CSMD2: variants seen among roughly 807,000 people sequenced by gnomAD.
The protein encoded by CSMD2 is CUB and sushi domain-containing protein 2.
Under a neutral mutation model 398.5 loss-of-function variants are expected in CSMD2, and 130 were observed. The ratio of observed to expected loss-of-function variants is 0.33; its 90% CI spans 0.28 to 0.38. The LOEUF (loss-of-function observed/expected upper bound fraction) is 0.38. Among genes scored for constraint, CSMD2 ranks in the 10% least tolerant of loss-of-function variants. The pLI is 1.00. For synonymous variants in CSMD2, 1,828 were observed against 1,908.5 expected, an observed-to-expected ratio of 0.96 and a Z score of 1.10; for missense variants, 3,829 against 4,764.9, an observed-to-expected ratio of 0.80 and a Z score of 5.78.
chr1:33,943,301 T>C (rs1432036635), intron 3 of CSMD2, among the ~76,000 whole-genome samples: 1 of 152,210 alleles, frequency 6.6e-6, no homozygotes, highest in Admixed American at 6.5e-5. Context: ...TTTTTCTGCC[T>C]TCTCTCATCT....
intron 1 of CSMD2, among the ~76,000 whole-genome samples, chr1:34,102,042 T>G (rs1027813009): frequency 1.3e-5 from 2 of 152,098 alleles, no homozygotes; most frequent in Non-Finnish European, 2.9e-5. Context: ...TTCACTTTTT[T>G]TTTTTTGAGA....
intron 3 of CSMD2, among the ~76,000 whole-genome samples, chr1:33,985,631 C>A (rs959109632): frequency 3.3e-5 from 5 of 152,150 alleles, no homozygotes; most frequent in African/African-American, 1.2e-4. Context: ...CCTCTCTTGG[C>A]TTTGGATAAA....
rs1467685535 is a variant in CSMD2, at chr1:34,057,562, C to T, written c.405-24856G>A. 2.0e-5 allele frequency among the ~76,000 whole-genome samples: 3 copies of T among 152,256 alleles called. No individual in the cohort carries two copies. The East Asian group carries it at 5.8e-4, about 30-fold the overall frequency. On this transcript the variant is annotated intron_variant, in intron 2 of 70. Transcript: ENST00000373381. ...CCCGGCAGGCAGCTCAAAGGCTGAG[C>T]CAGAGAGAGGTGGGCAGAGAGGGTC...
intron 10 of CSMD2, among the ~76,000 whole-genome samples, chr1:33,803,056 A>G (rs1288069159): frequency 1.3e-5 from 2 of 152,166 alleles, no homozygotes; most frequent in Non-Finnish European, 2.9e-5. Context: ...GGCCAAAGCC[A>G]ATGGTCTCCT....
chr1:33,699,209 T>C (rs939696629), intron 23 of CSMD2, among the ~76,000 whole-genome samples: 2 of 152,258 alleles, frequency 1.3e-5, no homozygotes, highest in Non-Finnish European at 2.9e-5. Flanking sequence ...TTTCTTTTGT[T>C]TGACCCCGTA....
chr1:34,008,080 G>A (rs1647115818), intron 3 of CSMD2, among the ~76,000 whole-genome samples: 1 of 152,160 alleles, frequency 6.6e-6, no homozygotes, highest in South Asian at 2.1e-4. Flanking sequence ...AACCAAATCA[G>A]AATTCTGAAA....
At chr1:33,934,833 GA>G (rs10552121) in intron 4 of CSMD2, among the ~76,000 whole-genome samples, 40,285 of 109,460 alleles carry the variant, frequency 0.37, 6,922 homozygotes, top group Middle Eastern at 0.5. Flanking sequence ...CTGTCTCCAT[GA>G]AAAAAAAAAA....
chr1:33,930,512 T>C lies in CSMD2; in HGVS notation c.712+5248A>G, dbSNP rs577180791. ...CCCCAGGTATGGTGACAGCCTGCCG[T>C]GTTTGGCTTGAACCTCAGAGGCTAA... On this transcript the variant is annotated intron_variant, in intron 4 of 70. Transcript: ENST00000373381. 9.8e-5 allele frequency among the ~76,000 whole-genome samples: 15 copies of C among 152,314 alleles called. 1 individual carries two copies. The highest frequency in any genetic ancestry group is 3.1e-4 in the African/African-American group (13 of 41,580).
intron 41 of CSMD2, 112 bp downstream of exon 41, chr1:33,610,929 C>G: frequency 9.6e-7 from 1 of 1,046,352 alleles, no homozygotes; most frequent in South Asian, 1.5e-5. Context: ...GCCACCGCAA[C>G]CCACCCCTTA....
rs531036514 is a variant in CSMD2, at chr1:33,744,845, T to G, written c.1847-1239A>C. Among the ~76,000 whole-genome samples, 32 of 152,294 alleles carry G rather than the reference T, an allele frequency of 2.1e-4. No homozygotes were observed. In the Middle Eastern group the frequency reaches 0.01, roughly 49 times the overall value. On this transcript the variant is annotated intron_variant, in intron 13 of 70. Transcript: ENST00000373381. ...AATATTGTTGAGGCTTCATGGAATC[T>G]CATACATGCATTTATTGCCAATTGC... is the stretch of plus-strand genomic sequence containing the variant.
intron 4 of CSMD2, among the ~76,000 whole-genome samples, chr1:33,921,958 A>G (rs1035728514): frequency 6.6e-6 from 1 of 152,144 alleles, no homozygotes; most frequent in Non-Finnish European, 1.5e-5. Flanking sequence ...GGGAGGAAAG[A>G]GAAGCAGCAG....
At chr1:33,761,320 C>A (rs1649787783) in intron 13 of CSMD2, among the ~76,000 whole-genome samples, 1 of 152,196 alleles carries the variant, frequency 6.6e-6, no homozygotes, top group Non-Finnish European at 1.5e-5. Flanking sequence ...CAGCTGCCTG[C>A]ACCCAGCCCC....
intron 10 of CSMD2, among the ~76,000 whole-genome samples, chr1:33,802,190 G>A (rs1193761411): frequency 2.0e-5 from 3 of 152,176 alleles, no homozygotes; most frequent in Non-Finnish European, 4.4e-5. Context: ...CATCCCAGTC[G>A]AAGGGAGGGC....
intron 39 of CSMD2, among the ~76,000 whole-genome samples, chr1:33,615,585 T>G (rs958409237): frequency 6.6e-6 from 1 of 152,274 alleles, no homozygotes; most frequent in Middle Eastern, 3.4e-3. Context: ...AAAATGGAAC[T>G]AGTGACAGCA....
chr1:33,690,803 CT>C (rs1357386661), intron 25 of CSMD2, among the ~76,000 whole-genome samples: 2 of 152,154 alleles, frequency 1.3e-5, no homozygotes, highest in Non-Finnish European at 2.9e-5. Context: ...GCCGGGGGCA[CT>C]GTGCTAAGAG....
chr1:34,124,964 C>T (rs1026648777), intron 1 of CSMD2, among the ~76,000 whole-genome samples: 4 of 152,122 alleles, frequency 2.6e-5, no homozygotes, highest in African/African-American at 7.2e-5. Context: ...TCCATGACTT[C>T]GATTCAGTAA....
At position 34,151,787 on chromosome 1, in the gene CSMD2, C is replaced by A. The variant is rs561063956; in HGVS notation, c.187+13124G>T. On this transcript the variant is annotated intron_variant, in intron 1 of 70. Coordinates refer to ENST00000373381, the MANE Select transcript of CSMD2 (RefSeq NM_001281956.2). Reference sequence around the variant, plus strand: ...TTTATTTCTTCTTTCCTCCCTCACTCCCTTGCTTCCTTCCTCCCTCCCTCC... The same window carrying A: ...TTTATTTCTTCTTTCCTCCCTCACTACCTTGCTTCCTTCCTCCCTCCCTCC... 4.6e-5 allele frequency among the ~76,000 whole-genome samples: 7 copies of A among 151,424 alleles called. No individual in the cohort carries two copies. The East Asian group carries it at 1.4e-3, about 30-fold the overall frequency.
intron 10 of CSMD2, chr1:33,805,022 G>C: frequency 1.6e-6 from 1 of 624,616 alleles, no homozygotes; most frequent in Non-Finnish European, 2.9e-6. Flanking sequence ...CTCTGCAGAG[G>C]TGCTATCTTT....
intron 44 of CSMD2, among the ~76,000 whole-genome samples, chr1:33,594,361 T>C (rs181793367): frequency 1.3e-5 from 2 of 152,314 alleles, no homozygotes; most frequent in Admixed American, 1.3e-4. Flanking sequence ...CATCACCTCC[T>C]TCATTTTCTG....
Sources: gnomAD v4.1 joint callset for allele counts (sites outside exome capture counted in the v4.1 genomes callset) on GRCh38, gnomAD v4.1.1 for gene constraint, MANE v1.5 for transcripts, NCBI Gene and HGNC (gene_info 2026-07-23, HGNC 2026-07-21) for gene names.